GPKOW: variants seen among roughly 807,000 people sequenced by gnomAD.
GPKOW encodes the protein G-patch domain and KOW motifs-containing protein.
For synonymous variants in GPKOW, 167 were observed against 159.1 expected (o/e 1.05, Z -0.37); for missense variants, 359 against 404.7 (o/e 0.89, Z 0.97).
At chrX:49,116,185 G>T in intron 7 of GPKOW, 36 bp downstream of exon 7, 1 of 1,114,370 alleles carries the variant, frequency 9.0e-7, no homozygotes, top group Non-Finnish European at 1.2e-6. Flanking sequence ...CCACAGCCCT[G>T]CCTTCTTGAC....
At chrX:49,122,965 C>A (rs782198182) in intron 1 of GPKOW, among the ~76,000 whole-genome samples, 189 bp from the exon 2 acceptor site, 1 of 112,130 alleles carries the variant, frequency 8.9e-6, no homozygotes, top group East Asian at 2.8e-4. Flanking sequence ...GTGCCCCCAA[C>A]TCATAAATGT....
chrX:49,123,493 C>T (rs2065220528), intron 1 of GPKOW, 54 bp downstream of exon 1: 1 of 1,091,090 alleles, frequency 9.2e-7, no homozygotes. Flanking sequence ...ATTCCTCCCT[C>T]CCGCTTACGC....
rs2065178946 is a variant in GPKOW, at chrX:49,113,453, G to A, written c.*168C>T. ...TACCCTAAATTTTGGTAAATATTGG[G>A]TTTGTTTCTAGCTTCCCTACTGGTT... is the stretch of plus-strand genomic sequence containing the variant. On this transcript the variant is annotated 3_prime_UTR_variant, in exon 11 of 11. Coordinates refer to ENST00000156109, the MANE Select transcript of GPKOW (RefSeq NM_015698.6). 1 of 469,089 alleles carries A rather than the reference G, an allele frequency of 2.1e-6. No individual in the cohort carries two copies. The highest frequency in any genetic ancestry group is 3.6e-6 in the Non-Finnish European group (1 of 274,561). The allele number at this position is 469,089 out of a possible 1,213,427, so 38.7% of individuals were successfully genotyped here.
chrX:49,117,554 C>T, intron 5 of GPKOW, 43 bp downstream of exon 5: 3 of 984,099 alleles, frequency 3.0e-6, no homozygotes, highest in East Asian at 6.1e-5. Context: ...ATCAACCTTC[C>T]CTGCTGCCTG....
At chrX:49,116,882 C>T (rs2065195535) in intron 6 of GPKOW, 148 bp downstream of exon 6, 2 of 467,775 alleles carry the variant, frequency 4.3e-6, no homozygotes, top group Non-Finnish European at 7.3e-6. Flanking sequence ...TGTCCATTCT[C>T]ACCTCCTGAC....
rs782073179 is a variant in GPKOW at position 49,117,180 on chromosome X, A to G, written c.781-18T>C. On this transcript the variant is annotated intron_variant, in intron 5 of 10. Transcript: ENST00000156109. The stretch of plus-strand genomic sequence containing the variant: ...CCTTCCACCTAAAGTGTTGAGGGGA[A>G]GAAGTCAGGTAGGGGTTGTGGACTC... 2.3e-5 allele frequency: 28 copies of G among 1,205,917 alleles called. No individual in the cohort carries two copies. The highest frequency in any genetic ancestry group is 2.8e-5 in the Non-Finnish European group (25 of 892,332).
At chrX:49,120,641 G>A (rs1433794677) in intron 3 of GPKOW, among the ~76,000 whole-genome samples, 7 of 110,666 alleles carry the variant, frequency 6.3e-5, no homozygotes, top group Non-Finnish European at 1.3e-4. Context: ...ATAAAGAGAG[G>A]AATTGAGGAT....
At chrX:49,118,388 A>G (rs192780686) in intron 4 of GPKOW, among the ~76,000 whole-genome samples, 2 of 111,345 alleles carry the variant, frequency 1.8e-5, no homozygotes, top group Admixed American at 9.7e-5. Context: ...CAAATATACT[A>G]TTTCTACAGG....
intron 1 of GPKOW, 126 bp downstream of exon 1, chrX:49,123,421 C>T: frequency 1.4e-6 from 1 of 732,854 alleles, no homozygotes; most frequent in African/African-American, 2.2e-5. Flanking sequence ...CTGGCCTCCA[C>T]GAATTTACTC....
intron 1 of GPKOW, 141 bp downstream of exon 1, chrX:49,123,406 G>T: frequency 1.6e-6 from 1 of 617,505 alleles, no homozygotes; most frequent in Non-Finnish European, 2.4e-6. Context: ...ATAAACTCCC[G>T]CCTTCTGGCC....
At chrX:49,121,407 G>A (rs367739150) in intron 3 of GPKOW, among the ~76,000 whole-genome samples, 5 of 111,061 alleles carry the variant, frequency 4.5e-5, no homozygotes, top group African/African-American at 6.5e-5. Flanking sequence ...CAGCCTGGGC[G>A]ACAGGGCAAG....
At chrX:49,117,433 C>T (rs2065197386) in intron 5 of GPKOW, among the ~76,000 whole-genome samples, 164 bp downstream of exon 5, 1 of 111,910 alleles carries the variant, frequency 8.9e-6, no homozygotes, top group Admixed American at 9.6e-5. Context: ...TCACAAAGGC[C>T]AGCAAGTGGT....
At chrX:49,120,829 A>G (rs1416392613) in intron 3 of GPKOW, among the ~76,000 whole-genome samples, 3 of 109,719 alleles carry the variant, frequency 2.7e-5, no homozygotes, top group Non-Finnish European at 5.7e-5. Context: ...ATGCCCAGCT[A>G]ATTTTTGTAT....
At chrX:49,116,200 C>A (rs1557090231) in intron 7 of GPKOW, 21 bp downstream of exon 7, 1 of 1,142,067 alleles carries the variant, frequency 8.8e-7, no homozygotes, top group Non-Finnish European at 1.2e-6. Context: ...CTTGACCCCT[C>A]CCGCATGCTC....
intron 9 of GPKOW, among the ~76,000 whole-genome samples, chrX:49,115,080 T>C (rs2065187330): frequency 9.2e-6 from 1 of 108,795 alleles, no homozygotes; most frequent in Non-Finnish European, 1.9e-5. Flanking sequence ...TAATAAAGGG[T>C]GGTGGTGATA....
Position 49,122,481 on chromosome X carries a change from C to T in GPKOW, c.373G>A (p.Asp125Asn), listed in dbSNP as rs1416871474. ...ATCATGGGGATAGCGAGCGTGGGGT[C>T]GACACCCGCATTCTCTCTCTCTTCC... Reference protein sequence around the residue: ...SLEERENAGVDPTLAIPMIQK... With the variant: ...SLEERENAGVNPTLAIPMIQK... Residue 125 changes from aspartate to asparagine, a missense_variant, in exon 3 of 11, where the codon GAC becomes AAC. Transcript: ENST00000156109. 2.5e-6 allele frequency: 3 copies of T among 1,201,775 alleles called. No individual in the cohort carries two copies. The highest frequency in any genetic ancestry group is 4.6e-5 in the Admixed American group (2 of 43,750).
At chrX:49,122,249 T>C (rs1401845810) in intron 3 of GPKOW, 149 bp downstream of exon 3, 6 of 420,714 alleles carry the variant, frequency 1.4e-5, no homozygotes, top group African/African-American at 5.5e-5. Flanking sequence ...CAGATTCATT[T>C]GGTAATGCTT....
chrX:49,119,036 C>T (rs1428379026), intron 4 of GPKOW, among the ~76,000 whole-genome samples: 4 of 104,935 alleles, frequency 3.8e-5, no homozygotes, highest in African/African-American at 1.4e-4. Flanking sequence ...ACTGCAAGCT[C>T]CGCCTCCCAG....
At chrX:49,118,504 C>T (rs1557090621) in intron 4 of GPKOW, among the ~76,000 whole-genome samples, 5 of 108,966 alleles carry the variant, frequency 4.6e-5, no homozygotes, top group African/African-American at 1.0e-4. Context: ...TTTGGGAGAC[C>T]GAGGTTGGTA....
Sources: gnomAD v4.1 joint callset for allele counts (sites outside exome capture counted in the v4.1 genomes callset) on GRCh38, gnomAD v4.1.1 for gene constraint, MANE v1.5 for transcripts, NCBI Gene and HGNC (gene_info 2026-07-23, HGNC 2026-07-21) for gene names.